Variants in AGBL4 observed in about 807,000 individuals in gnomAD.
AGBL4 encodes AGBL carboxypeptidase 4.
A neutral mutation model predicts 66.4 loss-of-function variants in AGBL4; 58 were observed. That is an observed-to-expected ratio of 0.87 (90% CI 0.71 to 1.09). The LOEUF (loss-of-function observed/expected upper bound fraction) is 1.09, where lower values mean the gene tolerates loss of function less well. AGBL4 is among the 50% of genes least tolerant of loss of function. The pLI, the probability that AGBL4 is intolerant of heterozygous loss-of-function variation, is 0.00. For missense variants in AGBL4, 579 were observed against 631.0 expected (o/e 0.92, Z 0.88); for synonymous variants, 234 against 222.9 (o/e 1.05, Z -0.44).
intron 2 of AGBL4, among the ~76,000 whole-genome samples, chr1:49,793,216 C>T (rs1379968767): frequency 6.6e-6 from 1 of 151,962 alleles, no homozygotes; most frequent in Non-Finnish European, 1.5e-5. Flanking sequence ...TCCCAGACCT[C>T]CAAACAGTAT....
chr1:49,121,370 G>A (rs1264733805), intron 4 of AGBL4, among the ~76,000 whole-genome samples: 1 of 152,098 alleles, frequency 6.6e-6, no homozygotes, highest in Non-Finnish European at 1.5e-5. Flanking sequence ...CTTTGATGTT[G>A]GTGACCTACA....
intron 11 of AGBL4, among the ~76,000 whole-genome samples, chr1:48,550,757 G>A (rs967911635): frequency 6.6e-6 from 1 of 152,096 alleles, no homozygotes; most frequent in African/African-American, 2.4e-5. Context: ...CTCTGTGTAA[G>A]ACACCTTGCT....
chr1:49,241,834 G>C (rs1471413205), intron 4 of AGBL4, among the ~76,000 whole-genome samples: 1 of 151,956 alleles, frequency 6.6e-6, no homozygotes, highest in African/African-American at 2.4e-5. Context: ...TACACATTCA[G>C]TTCACATTTG....
intron 3 of AGBL4, among the ~76,000 whole-genome samples, chr1:49,616,335 G>C: frequency 6.6e-6 from 1 of 152,008 alleles, no homozygotes; most frequent in Non-Finnish European, 1.5e-5. Context: ...AGATCACTCT[G>C]TTCTCCTTGA....
chr1:49,745,192 A>G (rs895557381), intron 2 of AGBL4, among the ~76,000 whole-genome samples: 17 of 152,102 alleles, frequency 1.1e-4, no homozygotes, highest in Admixed American at 6.6e-5. Context: ...AAATGCAAAG[A>G]GAATATATCA....
chr1:49,883,047 C>G (rs896430005), intron 1 of AGBL4, among the ~76,000 whole-genome samples: 2 of 151,894 alleles, frequency 1.3e-5, no homozygotes, highest in African/African-American at 4.8e-5. Context: ...TGTTTTTTTC[C>G]AAGAATGCAA....
chr1:49,230,989 G>GT (rs1650267530), intron 4 of AGBL4, among the ~76,000 whole-genome samples: 1 of 152,016 alleles, frequency 6.6e-6, no homozygotes, highest in South Asian at 2.1e-4. Context: ...TCTAGAATGG[G>GT]TAAAAAAAAC....
At chr1:49,284,742 A>C (rs1406421902) in intron 3 of AGBL4, among the ~76,000 whole-genome samples, 2 of 151,844 alleles carry the variant, frequency 1.3e-5, no homozygotes, top group Non-Finnish European at 1.5e-5. Context: ...GATAAAACAC[A>C]CTTTAAACCA....
At chr1:49,112,953 AT>A (rs780520117) in intron 4 of AGBL4, among the ~76,000 whole-genome samples, 5,066 of 142,106 alleles carry the variant, frequency 0.036, 67 homozygotes, top group Non-Finnish European at 0.048. Context: ...CTTCTTTTTA[AT>A]TTTTTTTTTT....
At chr1:48,541,787 A>AG (rs1341476052) in intron 11 of AGBL4, among the ~76,000 whole-genome samples, 1 of 152,244 alleles carries the variant, frequency 6.6e-6, no homozygotes, top group East Asian at 1.9e-4. Flanking sequence ...AAATAAAAAA[A>AG]TAAAATAAAT....
intron 5 of AGBL4, among the ~76,000 whole-genome samples, chr1:48,928,154 A>G (rs1390234430): frequency 6.6e-6 from 1 of 152,180 alleles, no homozygotes; most frequent in Non-Finnish European, 1.5e-5. Flanking sequence ...GCATCCACTG[A>G]CAGGATGGGG....
chr1:48,988,521 T>C (rs1319012037), intron 5 of AGBL4, among the ~76,000 whole-genome samples: 2 of 152,152 alleles, frequency 1.3e-5, no homozygotes, highest in Admixed American at 6.5e-5. Flanking sequence ...AATGAAAGCA[T>C]GGAAGACAAA....
In AGBL4 at chr1:48,785,962, C is replaced by A. The variant is rs539350518; in HGVS notation, c.634+81229G>T. ...TGCTCATCCCAAGCACCTGGTGGTTCAAAATGCCTGCCCTTCACAAGTCCT... is the reference window on the plus strand; with the variant it reads ...TGCTCATCCCAAGCACCTGGTGGTTAAAAATGCCTGCCCTTCACAAGTCCT... On this transcript the variant is annotated intron_variant, in intron 6 of 13. Coordinates refer to ENST00000371839, the MANE Select transcript of AGBL4 (RefSeq NM_032785.4). 2.0e-5 allele frequency among the ~76,000 whole-genome samples: 3 copies of A among 151,488 alleles called. No individual in the cohort carries two copies. In the East Asian group the frequency reaches 5.9e-4, roughly 30 times the overall value.
At chr1:48,543,178 G>T (rs1182180132) in intron 11 of AGBL4, among the ~76,000 whole-genome samples, 1 of 152,016 alleles carries the variant, frequency 6.6e-6, no homozygotes, top group Admixed American at 6.6e-5. Context: ...TACCTTCCAC[G>T]TACTGAGAAA....
chr1:48,840,156 A>C (rs189966406), intron 6 of AGBL4, among the ~76,000 whole-genome samples: 80 of 152,144 alleles, frequency 5.3e-4, no homozygotes, highest in African/African-American at 1.7e-3. Flanking sequence ...CTTAATTTTC[A>C]TGTTTTCACT....
At chr1:49,842,637 C>T (rs956716833) in intron 2 of AGBL4, among the ~76,000 whole-genome samples, 32 of 152,030 alleles carry the variant, frequency 2.1e-4, no homozygotes, top group African/African-American at 6.5e-4. Context: ...AACAATAAAT[C>T]GGTAAAATAA....
At chr1:49,043,161 G>C (rs1019672485) in intron 5 of AGBL4, among the ~76,000 whole-genome samples, 1 of 151,978 alleles carries the variant, frequency 6.6e-6, no homozygotes, top group Non-Finnish European at 1.5e-5. Flanking sequence ...CTGTTAATTG[G>C]ACCAGGTGCA....
intron 3 of AGBL4, among the ~76,000 whole-genome samples, chr1:49,459,243 T>C (rs931010493): frequency 8.6e-5 from 13 of 151,638 alleles, no homozygotes; most frequent in Non-Finnish European, 1.6e-4. Flanking sequence ...TGAACTTCTT[T>C]TGGTTTGGCA....
chr1:49,936,381 G>A (rs190329822), intron 1 of AGBL4, among the ~76,000 whole-genome samples: 3 of 152,226 alleles, frequency 2.0e-5, no homozygotes, highest in Admixed American at 6.5e-5. Context: ...TTAAAGTGAC[G>A]GGGAGAATGG....
Sources: allele counts gnomAD v4.1 joint callset (sites outside exome capture counted in the v4.1 genomes callset), GRCh38; gene constraint gnomAD v4.1.1; transcripts MANE v1.5; gene names NCBI Gene and HGNC (gene_info 2026-07-23, HGNC 2026-07-21).